The following ASIC2 variants were observed in gnomAD, a reference collection of about 807,000 sequenced individuals.
The protein encoded by ASIC2 is acid sensing ion channel subunit 2.
In ASIC2, 25 loss-of-function variants were observed where a neutral mutation model predicts 57.3. The ratio of observed to expected loss-of-function variants is 0.44; its 90% CI spans 0.32 to 0.61. ASIC2 has a LOEUF of 0.61. Among genes scored for constraint, ASIC2 ranks in the 20% least tolerant of loss-of-function variants. ASIC2 has a pLI of 0.06. For missense variants in ASIC2, 641 were observed against 738.1 expected (o/e 0.87, Z 1.52); for synonymous variants, 319 against 307.5 (o/e 1.04, Z -0.39).
chr17:33,963,581 C>T (rs573309099), intron 1 of ASIC2, among the ~76,000 whole-genome samples: 1 of 152,132 alleles, frequency 6.6e-6, no homozygotes, highest in East Asian at 1.9e-4. Context: ...GTACTTCACA[C>T]ATAACAGGTG....
intron 1 of ASIC2, among the ~76,000 whole-genome samples, chr17:34,077,184 G>A (rs1401748793): frequency 1.3e-5 from 2 of 152,156 alleles, no homozygotes; most frequent in African/African-American, 4.8e-5. Flanking sequence ...GTGGAGACGT[G>A]ATGAGTCTTT....
At chr17:34,092,456 T>G (rs763996634) in intron 1 of ASIC2, among the ~76,000 whole-genome samples, 3 of 152,182 alleles carry the variant, frequency 2.0e-5, no homozygotes, top group Non-Finnish European at 4.4e-5. Context: ...GTCCCTCATG[T>G]CCAATGTCAT....
chr17:34,031,830 C>T (rs796355263), intron 1 of ASIC2, among the ~76,000 whole-genome samples: 2 of 152,116 alleles, frequency 1.3e-5, no homozygotes, highest in Admixed American at 6.6e-5. Context: ...TAAAAAGAAA[C>T]AAACAAAGCC....
At chr17:33,777,070 C>T (rs11650493) in intron 1 of ASIC2, among the ~76,000 whole-genome samples, 85,430 of 151,960 alleles carry the variant, frequency 0.56, 25,159 homozygotes, top group Non-Finnish European at 0.65. Flanking sequence ...TAAGCTGGCA[C>T]CAAGCCAATG....
chr17:33,269,211 G>T (rs919384932), intron 1 of ASIC2, among the ~76,000 whole-genome samples: 32 of 152,084 alleles, frequency 2.1e-4, no homozygotes, highest in Admixed American at 6.5e-5. Context: ...TGCCACATGG[G>T]TAGAGTAATA....
chr17:33,633,472 A>C (rs9910298), intron 1 of ASIC2, among the ~76,000 whole-genome samples: 3 of 152,038 alleles, frequency 2.0e-5, no homozygotes, highest in African/African-American at 7.3e-5. Flanking sequence ...TGGGTGCCCC[A>C]AACTTGGCCA....
intron 1 of ASIC2, among the ~76,000 whole-genome samples, chr17:33,115,386 G>GACT (rs1246552525): frequency 6.6e-6 from 1 of 152,142 alleles, no homozygotes; most frequent in Admixed American, 6.5e-5. Flanking sequence ...ATCCTTGTGT[G>GACT]ACTTCCTGTT....
intron 1 of ASIC2, among the ~76,000 whole-genome samples, chr17:33,750,068 C>T (rs541265706): frequency 1.3e-5 from 2 of 152,308 alleles, no homozygotes; most frequent in Non-Finnish European, 2.9e-5. Context: ...TTCCTCTACT[C>T]CTGTCCATTG....
intron 1 of ASIC2, among the ~76,000 whole-genome samples, chr17:33,180,175 G>A (rs940362066): frequency 6.6e-6 from 1 of 152,128 alleles, no homozygotes; most frequent in Non-Finnish European, 1.5e-5. Context: ...TTGAAAACAG[G>A]ACTTGGCCAA....
chr17:33,660,779 T>G (rs763949363), intron 1 of ASIC2, among the ~76,000 whole-genome samples: 1 of 152,222 alleles, frequency 6.6e-6, no homozygotes, highest in African/African-American at 2.4e-5. Flanking sequence ...ACGGAACCAC[T>G]GTCGTTAATG....
At chr17:33,379,786 C>G (rs536215035) in intron 1 of ASIC2, among the ~76,000 whole-genome samples, 1 of 152,326 alleles carries the variant, frequency 6.6e-6, no homozygotes, top group East Asian at 1.9e-4. Flanking sequence ...GGCCAAGGGA[C>G]TGCCTGGCTC....
At chr17:33,865,759 T>TAAAAAAAAAAAAAAA (rs61218521) in intron 1 of ASIC2, among the ~76,000 whole-genome samples, 7 of 122,096 alleles carry the variant, frequency 5.7e-5, no homozygotes, top group East Asian at 2.4e-4. Flanking sequence ...AAAAAAAAAA[T>TAAAAAAAAAAAAAAA]AAAAAAAAAA....
chr17:33,984,099 C>T (rs2142005812), intron 1 of ASIC2: 1 of 152,438 alleles, frequency 6.6e-6, no homozygotes, highest in African/African-American at 2.4e-5. Context: ...AAATGCACAG[C>T]CTTCCTTCCC....
intron 1 of ASIC2, chr17:34,039,371 C>T (rs1048240): frequency 6.2e-7 from 1 of 1,613,934 alleles, no homozygotes; most frequent in Non-Finnish European, 8.5e-7. Flanking sequence ...AGGCCAGCTC[C>T]CCTTTGCGCC....
chr17:33,013,683 G>A lies in ASIC2; in HGVS notation c.*282C>T, dbSNP rs1268833964. The A allele has an allele frequency of 8.9e-6, 4 of 450,818 alleles. No homozygotes were observed. Among genetic ancestry groups the A allele is most frequent in the African/African-American group, 3.9e-5 (2 of 51,204 alleles). 27.9% of individuals were successfully genotyped at this position (450,818 alleles called of 1,614,324 possible). On this transcript the variant is annotated 3_prime_UTR_variant, in exon 10 of 10. Transcript: ENST00000225823. The stretch of plus-strand genomic sequence containing the variant: ...GCGCCACAAGAAGTCTGAGCATGCA[G>A]GTGCTTTATACATCTGGCAGTGAGA...
At chr17:33,782,314 C>G (rs1406117963) in intron 1 of ASIC2, among the ~76,000 whole-genome samples, 1 of 148,520 alleles carries the variant, frequency 6.7e-6, no homozygotes, top group African/African-American at 2.5e-5. Context: ...CTGTGGTCCT[C>G]TTTGAATTAG....
intron 1 of ASIC2, among the ~76,000 whole-genome samples, chr17:33,653,761 G>T (rs1906995219): frequency 1.3e-5 from 2 of 152,156 alleles, no homozygotes; most frequent in African/African-American, 4.8e-5. Context: ...GAAGAAACAT[G>T]GAATCTGGAA....
intron 3 of ASIC2, among the ~76,000 whole-genome samples, chr17:33,066,278 G>C (rs112700000): frequency 0.022 from 3,416 of 152,262 alleles, 106 homozygotes; most frequent in African/African-American, 0.076. Flanking sequence ...TAAAAACTGT[G>C]ATACCTGGGA....
intron 1 of ASIC2, among the ~76,000 whole-genome samples, chr17:33,906,606 C>T (rs1915355893): frequency 6.6e-6 from 1 of 152,172 alleles, no homozygotes; most frequent in African/African-American, 2.4e-5. Context: ...CAAACACCTG[C>T]GAGTATATTC....
Sources: gnomAD v4.1 joint callset for allele counts (sites outside exome capture counted in the v4.1 genomes callset) on GRCh38, gnomAD v4.1.1 for gene constraint, MANE v1.5 for transcripts, NCBI Gene and HGNC (gene_info 2026-07-23, HGNC 2026-07-21) for gene names.